The following ECT2 variants were observed in gnomAD, a reference collection of about 807,000 sequenced individuals.
ECT2 encodes epithelial cell transforming 2, also known as protein ECT2.
Under a neutral mutation model 116.9 loss-of-function variants are expected in ECT2, and 61 were observed. The ratio of observed to expected loss-of-function variants is 0.52; its 90% CI spans 0.42 to 0.65. ECT2 has a LOEUF of 0.65. ECT2 is among the 30% of genes least tolerant of loss of function. The probability of loss-of-function intolerance (pLI) is 0.00; values close to 1 mark genes in which losing one functional copy is unlikely to be tolerated. For synonymous variants in ECT2, 358 were observed against 346.4 expected (o/e 1.03, Z -0.37); for missense variants, 937 against 1,078.7 (o/e 0.87, Z 1.84).
intron 24 of ECT2, 72 bp from the exon 25 acceptor site, chr3:172,820,076 G>GCCT: frequency 9.3e-7 from 1 of 1,070,806 alleles, no homozygotes; most frequent in Non-Finnish European, 1.4e-6. Flanking sequence ...TAATAGGCAT[G>GCCT]ATACTGAACT....
chr3:172,753,001 G>C (rs1257632991), intron 1 of ECT2, among the ~76,000 whole-genome samples: 1 of 152,122 alleles, frequency 6.6e-6, no homozygotes, highest in Non-Finnish European at 1.5e-5. Context: ...CTGACATGTA[G>C]CTCTCGTTAA....
At chr3:172,763,099 G>C (rs1024149715) in intron 11 of ECT2, 127 bp downstream of exon 11, 58 of 902,548 alleles carry the variant, frequency 6.4e-5, no homozygotes, top group South Asian at 5.4e-4. Context: ...GGGATATCAA[G>C]TTATCTTAGT....
chr3:172,763,842 G>T (rs1718804605), intron 11 of ECT2, among the ~76,000 whole-genome samples: 1 of 152,178 alleles, frequency 6.6e-6, no homozygotes, highest in Admixed American at 6.5e-5. Flanking sequence ...TCTTTGAAAT[G>T]TGAAGTTCTT....
At chr3:172,818,609 G>A (rs750039743) in intron 24 of ECT2, 6 of 1,288,442 alleles carry the variant, frequency 4.7e-6, no homozygotes, top group African/African-American at 4.6e-5. Flanking sequence ...TATGTTCAGC[G>A]CCTAAACTCT....
intron 22 of ECT2, among the ~76,000 whole-genome samples, chr3:172,810,729 C>G (rs909447832): frequency 2.0e-5 from 3 of 151,946 alleles, no homozygotes; most frequent in Non-Finnish European, 4.4e-5. Context: ...TCATAACTCA[C>G]GAGTAAACAG....
chr3:172,762,388 G>A, intron 8 of ECT2, 28 bp from the exon 9 acceptor site: 2 of 1,583,882 alleles, frequency 1.3e-6, no homozygotes, highest in Non-Finnish European at 1.7e-6. Flanking sequence ...AGTTAAACTG[G>A]TTTTGGAAGA....
chr3:172,789,013 G>T (rs1724120290), intron 18 of ECT2, among the ~76,000 whole-genome samples: 1 of 146,858 alleles, frequency 6.8e-6, no homozygotes, highest in Admixed American at 7.0e-5. Context: ...AGCTGAGATT[G>T]CGCCATTGCA....
intron 1 of ECT2, among the ~76,000 whole-genome samples, chr3:172,753,394 C>T (rs1279172173): frequency 6.6e-6 from 1 of 152,114 alleles, no homozygotes; most frequent in East Asian, 1.9e-4. Flanking sequence ...CCCCAACCCA[C>T]CCTGATGAAA....
At chr3:172,803,097 C>CT (rs879399008) in intron 20 of ECT2, 117 bp downstream of exon 20, 1 of 967,706 alleles carries the variant, frequency 1.0e-6, no homozygotes, top group African/African-American at 1.7e-5. Context: ...CTCAAGTAAT[C>CT]TTTTTTTAAA....
intron 18 of ECT2, among the ~76,000 whole-genome samples, chr3:172,791,271 A>C (rs1724607791): frequency 6.6e-6 from 1 of 152,220 alleles, no homozygotes; most frequent in African/African-American, 2.4e-5. Context: ...GATTTTGAGA[A>C]TGGTCAGTGA....
At chr3:172,771,827 T>C (rs772679091) in intron 13 of ECT2, among the ~76,000 whole-genome samples, 3 of 152,214 alleles carry the variant, frequency 2.0e-5, no homozygotes, top group Non-Finnish European at 4.4e-5. Context: ...TTGAGAAATA[T>C]TGGAAAAATA....
At chr3:172,793,398 C>T (rs1435065258) in intron 18 of ECT2, among the ~76,000 whole-genome samples, 3 of 152,044 alleles carry the variant, frequency 2.0e-5, no homozygotes, top group South Asian at 2.1e-4. Flanking sequence ...CTCCTGACCT[C>T]GTAATCCACC....
chr3:172,763,661 T>G (rs771305404), intron 11 of ECT2, among the ~76,000 whole-genome samples: 4 of 152,210 alleles, frequency 2.6e-5, no homozygotes, highest in Non-Finnish European at 5.9e-5. Context: ...ATCTAGTGTT[T>G]ATGGTGAATC....
intron 18 of ECT2, among the ~76,000 whole-genome samples, chr3:172,795,344 A>G (rs4476532): frequency 6.9e-6 from 1 of 144,980 alleles, no homozygotes; most frequent in Non-Finnish European, 1.5e-5. Context: ...AAAAAAAAAA[A>G]TTTTCAAAAT....
At chr3:172,829,027 A>AT in the ECT2 span, 1 of 827,848 alleles carries the variant, frequency 1.2e-6, no homozygotes, top group Non-Finnish European at 2.1e-6. Flanking sequence ...CTGTCTGGCC[A>AT]CCTGGAGTGG....
At chr3:172,793,006 A>G (rs548454559) in intron 18 of ECT2, among the ~76,000 whole-genome samples, 1 of 152,160 alleles carries the variant, frequency 6.6e-6, no homozygotes, top group South Asian at 2.1e-4. Context: ...AGGTGGAGCT[A>G]CTGCACCCAG....
At chr3:172,797,609 T>G (rs1725964426) in intron 18 of ECT2, among the ~76,000 whole-genome samples, 1 of 152,214 alleles carries the variant, frequency 6.6e-6, no homozygotes, top group South Asian at 2.1e-4. Flanking sequence ...TTTGTCTAAT[T>G]GAATTCAAGT....
intron 1 of ECT2, among the ~76,000 whole-genome samples, chr3:172,751,393 C>T (rs1205171951): frequency 6.6e-6 from 1 of 152,214 alleles, no homozygotes; most frequent in Non-Finnish European, 1.5e-5. Flanking sequence ...CTTTGAATAC[C>T]TCTTTTACCC....
At chr3:172,773,815 A>G in intron 13 of ECT2, 88 bp from the exon 14 acceptor site, 1 of 1,306,336 alleles carries the variant, frequency 7.7e-7, no homozygotes, top group Non-Finnish European at 1.1e-6. Context: ...TTCTCTATTA[A>G]TATCTTGTGT....
Sources: allele counts gnomAD v4.1 joint callset (sites outside exome capture counted in the v4.1 genomes callset), GRCh38; gene constraint gnomAD v4.1.1; transcripts MANE v1.5; gene names NCBI Gene and HGNC (gene_info 2026-07-23, HGNC 2026-07-21).